The following SPTLC2 variants were observed in gnomAD, a reference collection of about 807,000 sequenced individuals.
SPTLC2 encodes serine palmitoyltransferase 2.
A neutral mutation model predicts 62.0 loss-of-function variants in SPTLC2; 21 were observed. That is an observed-to-expected ratio of 0.34 (90% confidence interval 0.24 to 0.49). The LOEUF is 0.49. Ranked by LOEUF, SPTLC2 falls within the 20% of genes least tolerant of loss-of-function variation. The pLI, the probability that SPTLC2 is intolerant of heterozygous loss-of-function variation, is 0.99. For missense variants in SPTLC2, 511 were observed against 713.0 expected (o/e 0.72, Z 3.23); for synonymous variants, 261 against 261.8 (o/e 1.00, Z 0.03).
chr14:77,592,389 C>T (rs540233281), intron 2 of SPTLC2, among the ~76,000 whole-genome samples: 3 of 152,244 alleles, frequency 2.0e-5, no homozygotes, highest in Non-Finnish European at 2.9e-5. Context: ...CCCACCTCGG[C>T]CTCCCAAAGT....
chr14:77,588,961 C>CA (rs1032401645), intron 2 of SPTLC2, among the ~76,000 whole-genome samples: 1 of 118,888 alleles, frequency 8.4e-6, no homozygotes, highest in Non-Finnish European at 1.6e-5. Flanking sequence ...TGTGCCACTG[C>CA]ACTTCAGCCT....
chr14:77,604,332 TC>T (rs2079893462), intron 1 of SPTLC2, among the ~76,000 whole-genome samples: 1 of 152,158 alleles, frequency 6.6e-6, no homozygotes, highest in Non-Finnish European at 1.5e-5. Context: ...CTGTGCCAAT[TC>T]CTGCCTTTCT....
chr14:77,566,707 G>A (rs767322118), intron 5 of SPTLC2, among the ~76,000 whole-genome samples: 16 of 152,156 alleles, frequency 1.1e-4, no homozygotes, highest in African/African-American at 3.4e-4. Flanking sequence ...TGTTCCACCC[G>A]CCTCGGCCTC....
At chr14:77,515,359 AG>A (rs1594966126) in intron 11 of SPTLC2, among the ~76,000 whole-genome samples, 2 of 152,170 alleles carry the variant, frequency 1.3e-5, no homozygotes, top group African/African-American at 4.8e-5. Flanking sequence ...TGCTGAACAC[AG>A]GATCTGTAGG....
chr14:77,524,909 T>C (rs1319340409), intron 9 of SPTLC2, among the ~76,000 whole-genome samples: 3 of 152,000 alleles, frequency 2.0e-5, no homozygotes, highest in East Asian at 1.9e-4. Context: ...TATAGTTAGA[T>C]AGGAGGAATA....
chr14:77,574,054 G>A (rs1481283500), intron 4 of SPTLC2, among the ~76,000 whole-genome samples: 1 of 152,214 alleles, frequency 6.6e-6, no homozygotes, highest in South Asian at 2.1e-4. Context: ...CAGAGCATCA[G>A]ACAGCATGGC....
At chr14:77,573,801 T>C (rs186532707) in intron 4 of SPTLC2, among the ~76,000 whole-genome samples, 55 of 152,186 alleles carry the variant, frequency 3.6e-4, no homozygotes, top group African/African-American at 1.2e-3. Flanking sequence ...CCAGCTAATG[T>C]TTGTATTTCC....
intron 10 of SPTLC2, 104 bp downstream of exon 10, chr14:77,521,342 C>T (rs898431497): frequency 2.0e-5 from 28 of 1,425,222 alleles, no homozygotes; most frequent in Non-Finnish European, 2.4e-5. Flanking sequence ...AAGGTTAACA[C>T]AGTAAGGACA....
intron 5 of SPTLC2, 144 bp downstream of exon 5, chr14:77,570,240 A>G (rs1266529534): frequency 8.4e-6 from 9 of 1,074,536 alleles, no homozygotes; most frequent in Non-Finnish European, 1.2e-5. Context: ...AAAAAAAAAA[A>G]GAAAAACAAT....
At chr14:77,586,953 C>A (rs1399556946) in intron 2 of SPTLC2, among the ~76,000 whole-genome samples, 1 of 152,164 alleles carries the variant, frequency 6.6e-6, no homozygotes, top group Non-Finnish European at 1.5e-5. Context: ...TGGCCGGGCG[C>A]AGTGGCTCAC....
intron 2 of SPTLC2, among the ~76,000 whole-genome samples, chr14:77,593,441 G>A (rs754171316): frequency 9.2e-5 from 14 of 152,168 alleles, no homozygotes; most frequent in East Asian, 7.7e-4. Flanking sequence ...TATCTGTCAC[G>A]TACGTGTTTC....
intron 11 of SPTLC2, among the ~76,000 whole-genome samples, chr14:77,517,224 C>A (rs1412710501): frequency 6.6e-6 from 1 of 151,934 alleles, no homozygotes; most frequent in Non-Finnish European, 1.5e-5. Context: ...GCCTGGGCAA[C>A]AAGGGCAAAA....
Position 77,616,503 on chromosome 14 carries a change from C to T in SPTLC2, c.77G>A (p.Arg26Gln). The change falls in exon 1 of 12, where the codon CGG becomes CAG. Residue 26 changes from arginine (R) to glutamine (Q), a missense_variant. Coordinates refer to ENST00000216484, the MANE Select transcript of SPTLC2 (RefSeq NM_004863.4). ...ANGCVANGEV[R>Q]NGYVRSSAAA... The stretch of plus-strand genomic sequence containing the variant: ...AGCGCTGCTCCTCACGTACCCGTTC[C>T]GTACTTCCCCGTTCGCCACGCAGCC... The T allele has an allele frequency of 6.5e-7, 1 of 1,533,914 alleles. No individual in the cohort carries two copies. The highest frequency in any genetic ancestry group is 8.7e-7 in the Non-Finnish European group (1 of 1,145,594).
At chr14:77,563,295 C>T (rs1321517765) in intron 5 of SPTLC2, among the ~76,000 whole-genome samples, 1 of 152,164 alleles carries the variant, frequency 6.6e-6, no homozygotes, top group Non-Finnish European at 1.5e-5. Context: ...CCTCAGTCTA[C>T]AGGAGGACTT....
rs894833306 is a variant in SPTLC2, at chr14:77,616,631, G to C, written c.-52C>G. 2.6e-6 allele frequency: 4 copies of C among 1,514,600 alleles called. No homozygotes were observed. The highest frequency in any genetic ancestry group is 2.8e-5 in the African/African-American group (2 of 72,358). The allele number at this position is 1,514,600 out of a possible 1,614,324, so 93.8% of individuals were successfully genotyped here. On this transcript the variant is annotated 5_prime_UTR_variant, in exon 1 of 12. Coordinates refer to ENST00000216484, the MANE Select transcript of SPTLC2 (RefSeq NM_004863.4). ...AGGCTCTGTAGGCGGTGGCAGCGGCGGCGGCTGCTCCAAGTCCCGCTCCGC... is the reference window on the plus strand; with the variant it reads ...AGGCTCTGTAGGCGGTGGCAGCGGCCGCGGCTGCTCCAAGTCCCGCTCCGC...
intron 8 of SPTLC2, chr14:77,554,869 A>C (rs973194607): frequency 1.2e-5 from 3 of 240,782 alleles, no homozygotes; most frequent in African/African-American, 6.7e-5. Flanking sequence ...CACAGCTGGC[A>C]CAACTTTTTT....
chr14:77,604,600 G>A (rs1001106000), intron 1 of SPTLC2, among the ~76,000 whole-genome samples: 1 of 152,082 alleles, frequency 6.6e-6, no homozygotes, highest in African/African-American at 2.4e-5. Context: ...AGATGCGGTG[G>A]CTCACACCTG....
intron 1 of SPTLC2, among the ~76,000 whole-genome samples, chr14:77,613,406 A>T (rs997120286): frequency 1.3e-5 from 2 of 152,228 alleles, no homozygotes; most frequent in Non-Finnish European, 2.9e-5. Context: ...TCTGAATAGC[A>T]GAGAGGAAAA....
intron 2 of SPTLC2, among the ~76,000 whole-genome samples, chr14:77,580,554 GAAAAA>G (rs11322822): frequency 2.5e-4 from 32 of 129,366 alleles, no homozygotes; most frequent in African/African-American, 7.5e-4. Context: ...TTTTAAAAAA[GAAAAA>G]AAAAAAAAAA....
Sources: gnomAD v4.1 joint callset for allele counts (sites outside exome capture counted in the v4.1 genomes callset) on GRCh38, gnomAD v4.1.1 for gene constraint, MANE v1.5 for transcripts, NCBI Gene and HGNC (gene_info 2026-07-23, HGNC 2026-07-21) for gene names.